Variants in MYO1C observed in about 807,000 individuals in gnomAD.
MYO1C encodes unconventional myosin-Ic.
A neutral mutation model predicts 150.8 loss-of-function variants in MYO1C; 104 were observed. The observed-to-expected ratio is 0.69, with a 90% CI of 0.59 to 0.81. The LOEUF is 0.81. Ranked by LOEUF, MYO1C falls within the 30% of genes least tolerant of loss-of-function variation. The pLI, the probability that MYO1C is intolerant of heterozygous loss-of-function variation, is 0.00. For synonymous variants in MYO1C, 663 were observed against 579.9 expected, an observed-to-expected ratio of 1.14 and a Z score of -2.06; for missense variants, 1,504 against 1,435.0, an observed-to-expected ratio of 1.05 and a Z score of -0.78.
At position 1,479,883 on chromosome 17, in the gene MYO1C, C is replaced by T. The variant is rs545300378; in HGVS notation, c.907-178G>A. On this transcript the variant is annotated intron_variant, in intron 7 of 31. Transcript: ENST00000648651. This position sits in a 1 kb window ranked among gnomAD's most constrained non-coding sequence, Gnocchi z 4.2. ...CGGGTGGGATGGGCACGGTGGCTGACGCCTGTAATCCCAGCACTTTGGGAG... is the reference window on the plus strand; with the variant it reads ...CGGGTGGGATGGGCACGGTGGCTGATGCCTGTAATCCCAGCACTTTGGGAG... Among the ~76,000 whole-genome samples, 17 of 152,158 alleles carry T rather than the reference C, an allele frequency of 1.1e-4. No individual in the cohort carries two copies. The South Asian group carries it at 2.5e-3, about 22-fold the overall frequency.
Position 1,477,976 on chromosome 17 carries a change from G to A in MYO1C, c.1402-5C>T, listed in dbSNP as rs778833718. ...GAAATACTGGACGGGCTCCCACTGA[G>A]GGGCAGAAGGGAAGGAAGGGATCAC... On this transcript the variant is annotated splice_region_variant and splice_polypyrimidine_tract_variant and intron_variant, in intron 12 of 31. Transcript: ENST00000648651. 2.4e-5 allele frequency: 38 copies of A among 1,613,954 alleles called. 1 individual carries two copies. In the South Asian group the frequency reaches 4.0e-4, roughly 17 times the overall value.
intron 25 of MYO1C, 148 bp from the exon 26 acceptor site, chr17:1,468,644 C>A (rs1405638178): frequency 5.9e-6 from 4 of 674,984 alleles, no homozygotes; most frequent in Admixed American, 2.1e-5. Flanking sequence ...CCCTGCCCCC[C>A]ACACGCCCAT....
intron 19 of MYO1C, 119 bp from the exon 20 acceptor site, chr17:1,471,455 G>C (rs1000607892): frequency 1.6e-5 from 13 of 796,932 alleles, no homozygotes; most frequent in Non-Finnish European, 1.9e-5. Flanking sequence ...GCTAGCAGGA[G>C]GCTCACTCGG....
chr17:1,470,281 A>G lies in MYO1C; in HGVS notation c.2420T>C (p.Phe807Ser). The G allele has an allele frequency of 6.3e-7, 1 of 1,593,900 alleles. No homozygotes were observed. The highest frequency in any genetic ancestry group is 8.5e-7 in the Non-Finnish European group (1 of 1,171,126). The change falls in exon 24 of 32, where the codon TTC becomes TCC. Residue 807 changes from phenylalanine (F) to serine (S), a missense_variant. Transcript: ENST00000648651. ...RHAPRCPENA[F>S]FLDHVRTSFL... ...AGAGGTGCGCACATGGTCCAGGAAG[A>G]AGGCGTTCTCGGGGCAGCGGGGGGC... is the stretch of plus-strand genomic sequence containing the variant.
Position 1,470,847 on chromosome 17 carries a change from G to A in MYO1C, c.2213-158C>T, listed in dbSNP as rs552558637. 34 of 959,026 alleles carry A rather than the reference G, an allele frequency of 3.5e-5. No individual in the cohort carries two copies. In the East Asian group the frequency reaches 3.7e-4, roughly 10 times the overall value. 59.4% of individuals were successfully genotyped at this position (959,026 alleles called of 1,614,324 possible). On this transcript the variant is annotated intron_variant, in intron 21 of 31. Transcript: ENST00000648651. Reference sequence around the variant, plus strand: ...AGAAGAATGAATGTGGGGACTGCCCGGAAAAGGGGGGCGGCGGGTGGGATG... The same window carrying A: ...AGAAGAATGAATGTGGGGACTGCCCAGAAAAGGGGGGCGGCGGGTGGGATG...
Position 1,472,031 on chromosome 17 carries a change from T to C in MYO1C, c.1904-7A>G, listed in dbSNP as rs1403010226. ...AGCACCTCGTCAAAGCGGCCTGGGG[T>C]AGGGGGAGCGCCGTGGTCAGCGGGC... On this transcript the variant is annotated splice_polypyrimidine_tract_variant and splice_region_variant and intron_variant, in intron 18 of 31. Transcript: ENST00000648651. The C allele has an allele frequency of 1.1e-5, 17 of 1,613,642 alleles. No individual in the cohort carries two copies. The highest frequency in any genetic ancestry group is 1.3e-5 in the Non-Finnish European group (15 of 1,179,860).
chr17:1,471,188 A>G, intron 20 of MYO1C, 35 bp downstream of exon 20: 1 of 1,613,752 alleles, frequency 6.2e-7, no homozygotes, highest in Non-Finnish European at 8.5e-7. Context: ...TGCCACTCCC[A>G]TTCCCCGCAG....
chr17:1,484,882 AC>A (rs2074618740), intron 1 of MYO1C: 5 of 267,384 alleles, frequency 1.9e-5, no homozygotes, highest in South Asian at 9.0e-5. Flanking sequence ...TCCCACCCAG[AC>A]CCACCCCCAC....
chr17:1,473,845 C>T (rs976989687), intron 17 of MYO1C, among the ~76,000 whole-genome samples: 2 of 152,134 alleles, frequency 1.3e-5, no homozygotes, highest in Non-Finnish European at 2.9e-5. Flanking sequence ...CCTCCCCAAC[C>T]CCTCACCCCT....
chr17:1,492,395 C>T lies in MYO1C; in HGVS notation c.75+18G>A. The T allele has an allele frequency of 6.3e-7, 1 of 1,594,008 alleles. No homozygotes were observed. The highest frequency in any genetic ancestry group is 8.5e-7 in the Non-Finnish European group (1 of 1,170,548). On this transcript the variant is annotated intron_variant, in intron 1 of 31. Coordinates refer to ENST00000648651, the MANE Select transcript of MYO1C (RefSeq NM_001080779.2). ...AGACGCTCCCACCCTCCTCCCAGCC[C>T]AGAGCATCCCAGCTTACAAGCTTGC...
In MYO1C at chr17:1,479,458, G is replaced by A; in HGVS notation, c.1065C>T (p.His355=). 8 of 1,507,880 alleles carry A rather than the reference G, an allele frequency of 5.3e-6. No homozygotes were observed. Among genetic ancestry groups the A allele is most frequent in the Non-Finnish European group, 7.2e-6 (8 of 1,109,760 alleles). 93.4% of individuals were successfully genotyped at this position (1,507,880 alleles called of 1,614,324 possible). ...EGSTLREALT[H]RKIIAKGEEL... is the part of the protein sequence containing the mutation. ...CCTCCCCCTTGGCGATGATCTTCCTGTGTGTCAGGGCTTCTCGCAGCGTCG... is the reference window on the plus strand; with the variant it reads ...CCTCCCCCTTGGCGATGATCTTCCTATGTGTCAGGGCTTCTCGCAGCGTCG... Residue 355 remains histidine (H), a synonymous_variant, in exon 9 of 32, where the codon CAC becomes CAT. Coordinates refer to ENST00000648651, the MANE Select transcript of MYO1C (RefSeq NM_001080779.2). The surrounding 1 kb of genome is among the most constrained non-coding windows in gnomAD (Gnocchi z 4.2).
chr17:1,492,424 G>T lies in MYO1C; in HGVS notation c.64C>A (p.Pro22Thr). Residue 22 changes from proline (P) to threonine (T), a missense_variant, in exon 1 of 32, where the codon CCC (proline) becomes ACC (threonine). Physicochemically the swap from Pro to Thr is conservative, Grantham distance 38. Transcript: ENST00000648651. ...EIIRVVHPHR[P>T]CKLALGSDGV... ...GCATCCCAGCTTACAAGCTTGCAGGGCCTGTGGGGATGAACCACGCGGATG... is the reference window on the plus strand; with the variant it reads ...GCATCCCAGCTTACAAGCTTGCAGGTCCTGTGGGGATGAACCACGCGGATG... 6.2e-7 allele frequency: 1 copy of T among 1,606,256 alleles called. No homozygotes were observed. The highest frequency in any genetic ancestry group is 8.5e-7 in the Non-Finnish European group (1 of 1,176,718).
At chr17:1,484,983 G>T (rs1361483859) in intron 1 of MYO1C, 2 of 622,904 alleles carry the variant, frequency 3.2e-6, no homozygotes, top group South Asian at 3.0e-5. Context: ...ACCCCAGCTG[G>T]GCTCAGCCAC....
chr17:1,484,263 G>A lies in MYO1C; in HGVS notation c.116C>T (p.Ala39Val), dbSNP rs142564863. 3.2e-5 allele frequency: 51 copies of A among 1,612,000 alleles called. No individual in the cohort carries two copies. The highest frequency in any genetic ancestry group is 1.6e-4 in the East Asian group (7 of 44,872). The change falls in exon 2 of 32, where the codon GCG becomes GTG. Residue 39 changes from alanine (A) to valine (V), a missense_variant. Transcript: ENST00000648651. ...SDGVRVTMES[A>V]LTARDRVGVQ... ...CCCCACCCGGTCACGGGCGGTGAGC[G>A]CACTCTCCATGGTCACCCGAACCCC...
Position 1,480,698 on chromosome 17 carries a change from C to T in MYO1C, c.807+8G>A, listed in dbSNP as rs1427072880. 6.2e-6 allele frequency: 10 copies of T among 1,614,028 alleles called. No homozygotes were observed. Among genetic ancestry groups the T allele is most frequent in the African/African-American group, 1.3e-5 (1 of 74,916 alleles). On this transcript the variant is annotated splice_region_variant and intron_variant, in intron 6 of 31. Coordinates refer to ENST00000648651, the MANE Select transcript of MYO1C (RefSeq NM_001080779.2). ...GGGTGGCACCTGCCCTCCCTGCCAGCCACTCACCTTCACCAGGTACAGGTA... is the reference window on the plus strand; with the variant it reads ...GGGTGGCACCTGCCCTCCCTGCCAGTCACTCACCTTCACCAGGTACAGGTA...
chr17:1,485,130 G>T (rs1434203587), intron 1 of MYO1C: 1 of 1,210,010 alleles, frequency 8.3e-7, no homozygotes, highest in Non-Finnish European at 1.0e-6. Context: ...ACCATGGAAA[G>T]CCCAGCTGCC....
At position 1,464,432 on chromosome 17, in the gene MYO1C, C is replaced by G. The variant is rs948501411; in HGVS notation, c.*1294G>C. On this transcript the variant is annotated 3_prime_UTR_variant, in exon 32 of 32. Transcript: ENST00000648651. ...AGGCCCTACATCCTTGAGTGGGGCCCGAGTGTGCGGGCAAGCTGTCTGTCA... is the reference window on the plus strand; with the variant it reads ...AGGCCCTACATCCTTGAGTGGGGCCGGAGTGTGCGGGCAAGCTGTCTGTCA... 6.5e-6 allele frequency: 1 copy of G among 152,812 alleles called. No homozygotes were observed. Among genetic ancestry groups the G allele is most frequent in the African/African-American group, 2.4e-5 (1 of 41,574 alleles). The allele number at this position is 152,812 out of a possible 1,614,324, so 9.5% of individuals were successfully genotyped here.
At chr17:1,482,219 C>G (rs2074537674) in intron 5 of MYO1C, among the ~76,000 whole-genome samples, 2 of 152,214 alleles carry the variant, frequency 1.3e-5, no homozygotes, top group Admixed American at 6.5e-5. Flanking sequence ...GCTGTCAAGC[C>G]TTTATTAAAA....
At position 1,468,914 on chromosome 17, in the gene MYO1C, G is replaced by A. The variant is rs965663055; in HGVS notation, c.2611-418C>T. 3 of 321,504 alleles carry A rather than the reference G, an allele frequency of 9.3e-6. No homozygotes were observed. In the East Asian group the frequency reaches 2.4e-4, roughly 25 times the overall value. The allele number at this position is 321,504 out of a possible 1,614,324, so 19.9% of individuals were successfully genotyped here. On this transcript the variant is annotated intron_variant, in intron 25 of 31. Coordinates refer to ENST00000648651, the MANE Select transcript of MYO1C (RefSeq NM_001080779.2). Reference sequence around the variant, plus strand: ...TCAACCAATGCCTGTAATCAGGGCAGATATCACCAATCGACCCGAGTGAAG... The same window carrying A: ...TCAACCAATGCCTGTAATCAGGGCAAATATCACCAATCGACCCGAGTGAAG...
Sources: allele counts gnomAD v4.1 joint callset (sites outside exome capture counted in the v4.1 genomes callset), GRCh38; gene constraint gnomAD v4.1.1; non-coding constraint Gnocchi (gnomAD v3.1); transcripts MANE v1.5; gene names NCBI Gene and HGNC (gene_info 2026-07-23, HGNC 2026-07-21).